ZC3HC1: variants seen among roughly 807,000 people sequenced by gnomAD.
The protein encoded by ZC3HC1 is zinc finger C3HC-type protein 1.
In ZC3HC1, 38 loss-of-function variants were observed where a neutral mutation model predicts 61.9. The observed-to-expected ratio is 0.61, with a 90% CI of 0.47 to 0.81. The LOEUF (loss-of-function observed/expected upper bound fraction) is 0.81, where lower values mean the gene tolerates loss of function less well. Ranked by LOEUF, ZC3HC1 falls within the 30% of genes least tolerant of loss-of-function variation. The probability of loss-of-function intolerance (pLI) is 0.00; values close to 1 mark genes in which losing one functional copy is unlikely to be tolerated. For missense variants in ZC3HC1, 554 were observed against 622.7 expected, an observed-to-expected ratio of 0.89 and a Z score of 1.17; for synonymous variants, 213 against 229.9, an observed-to-expected ratio of 0.93 and a Z score of 0.67.
At chr7:130,035,858 C>T (rs1009143853) in intron 4 of ZC3HC1, among the ~76,000 whole-genome samples, 48 of 152,048 alleles carry the variant, frequency 3.2e-4, no homozygotes, top group African/African-American at 9.4e-4. Flanking sequence ...ATTTTGTCAC[C>T]CACAGATTAA....
chr7:130,022,655 A>G, intron 8 of ZC3HC1, 130 bp from the exon 9 acceptor site: 1 of 949,980 alleles, frequency 1.1e-6, no homozygotes, highest in Non-Finnish European at 1.6e-6. Context: ...TCTCCTTCAA[A>G]CTTTGCCTAC....
intron 9 of ZC3HC1, among the ~76,000 whole-genome samples, chr7:130,019,492 A>G (rs1037204479): frequency 5.9e-5 from 9 of 152,208 alleles, no homozygotes; most frequent in African/African-American, 1.7e-4. Context: ...AATGACCCCT[A>G]TGAGTTTAAG....
intron 4 of ZC3HC1, among the ~76,000 whole-genome samples, chr7:130,037,336 C>A (rs61192856): frequency 5.3e-5 from 8 of 152,168 alleles, no homozygotes; most frequent in African/African-American, 1.9e-4. Context: ...CCCAGCTACT[C>A]GGGAGGCTGA....
rs544658383 is a variant in ZC3HC1 at position 130,046,385 on chromosome 7, T to C, written c.258+2648A>G. Among the ~76,000 whole-genome samples, 5 of 152,186 alleles carry C rather than the reference T, an allele frequency of 3.3e-5. No homozygotes were observed. In the South Asian group the frequency reaches 8.3e-4, roughly 25 times the overall value. On this transcript the variant is annotated intron_variant, in intron 2 of 9. Transcript: ENST00000358303. The stretch of plus-strand genomic sequence containing the variant: ...ACTTTGGGAGGCCAAGGCAGGAGGA[T>C]TGCCTGAGCTCAAAAGTTTGAGACC...
At chr7:130,041,326 C>G (rs1453163779) in intron 2 of ZC3HC1, among the ~76,000 whole-genome samples, 1 of 151,428 alleles carries the variant, frequency 6.6e-6, no homozygotes, top group East Asian at 2.0e-4. Context: ...TTGCTGGGAC[C>G]ACAGGTGCAC....
intron 4 of ZC3HC1, among the ~76,000 whole-genome samples, chr7:130,038,918 C>T (rs1794536427): frequency 6.6e-6 from 1 of 151,336 alleles, no homozygotes; most frequent in South Asian, 2.1e-4. Flanking sequence ...CTCCCAGGGC[C>T]CCTGTAAGGA....
chr7:130,037,022 A>T (rs1163552110), intron 4 of ZC3HC1: 8 of 152,386 alleles, frequency 5.2e-5, no homozygotes, highest in Admixed American at 3.3e-4. Context: ...GTCAAGCTCA[A>T]AAGAGAGGTC....
intron 2 of ZC3HC1, among the ~76,000 whole-genome samples, chr7:130,046,368 A>G (rs1359669511): frequency 1.3e-5 from 2 of 152,188 alleles, no homozygotes; most frequent in African/African-American, 4.8e-5. Context: ...GCACTTTGGG[A>G]GGCCAAGGCA....
At chr7:130,026,014 C>T (rs1398360130) in intron 6 of ZC3HC1, 144 bp downstream of exon 6, 40 of 895,788 alleles carry the variant, frequency 4.5e-5, no homozygotes, top group Non-Finnish European at 4.5e-5. Context: ...CCATTCTCCT[C>T]GCACCATCCC....
intron 2 of ZC3HC1, among the ~76,000 whole-genome samples, chr7:130,048,026 A>T (rs1584599148): frequency 1.3e-5 from 2 of 152,222 alleles, no homozygotes; most frequent in Middle Eastern, 3.4e-3. Context: ...GTGGGGAGGG[A>T]CATCTCTGGC....
At chr7:130,049,405 A>G (rs1265347941) in intron 1 of ZC3HC1, among the ~76,000 whole-genome samples, 1 of 152,138 alleles carries the variant, frequency 6.6e-6, no homozygotes, top group African/African-American at 2.4e-5. Context: ...TTCTACCTCT[A>G]CAGGGCTCCA....
intron 4 of ZC3HC1, among the ~76,000 whole-genome samples, chr7:130,037,451 A>AAAAC (rs150885654): frequency 0.081 from 12,270 of 151,956 alleles, 637 homozygotes; most frequent in Non-Finnish European, 0.11. Context: ...CGTCTCAAGG[A>AAAAC]AAACAAACAA....
At chr7:130,024,701 C>T (rs776780805) in intron 6 of ZC3HC1, among the ~76,000 whole-genome samples, 195 bp from the exon 7 acceptor site, 1 of 152,010 alleles carries the variant, frequency 6.6e-6, no homozygotes, top group Non-Finnish European at 1.5e-5. Context: ...AGAAAGACCT[C>T]GGGTTCTTAG....
At chr7:130,037,654 TC>T (rs1233261071) in intron 4 of ZC3HC1, among the ~76,000 whole-genome samples, 1 of 152,192 alleles carries the variant, frequency 6.6e-6, no homozygotes, top group Non-Finnish European at 1.5e-5. Context: ...TACCACCCTT[TC>T]ATTGATCAAA....
intron 9 of ZC3HC1, among the ~76,000 whole-genome samples, chr7:130,020,810 T>C (rs1793609622): frequency 6.6e-6 from 1 of 152,214 alleles, no homozygotes; most frequent in Non-Finnish European, 1.5e-5. Context: ...TACTAGTTCC[T>C]GAAGATCTAG....
At chr7:130,022,191 A>C (rs2116652456) in intron 9 of ZC3HC1, 128 bp downstream of exon 9, 1 of 1,253,226 alleles carries the variant, frequency 8.0e-7, no homozygotes, top group African/African-American at 1.5e-5. Context: ...ACAAACAAAC[A>C]AAAAAACCCA....
At chr7:130,025,170 T>C (rs1793843090) in intron 6 of ZC3HC1, among the ~76,000 whole-genome samples, 1 of 151,238 alleles carries the variant, frequency 6.6e-6, no homozygotes, top group African/African-American at 2.4e-5. Flanking sequence ...CCTCCCAAAG[T>C]GCTGGGATTA....
At chr7:130,049,169 G>A (rs1405512804) in intron 1 of ZC3HC1, 25 bp from the exon 2 acceptor site, 2 of 1,554,438 alleles carry the variant, frequency 1.3e-6, no homozygotes, top group African/African-American at 1.4e-5. Context: ...CAAAACTGTT[G>A]GTAAACCTTT....
At chr7:130,022,632 C>A (rs905064884) in intron 8 of ZC3HC1, 107 bp from the exon 9 acceptor site, 1 of 1,183,196 alleles carries the variant, frequency 8.5e-7, no homozygotes, top group African/African-American at 1.5e-5. Context: ...ACCCATACTT[C>A]GAGTGTTTAT....
Sources: allele counts gnomAD v4.1 joint callset (sites outside exome capture counted in the v4.1 genomes callset), GRCh38; gene constraint gnomAD v4.1.1; transcripts MANE v1.5; gene names NCBI Gene and HGNC (gene_info 2026-07-23, HGNC 2026-07-21).